The following ZNF761 variants were observed in gnomAD, a reference collection of about 807,000 sequenced individuals.
The protein encoded by ZNF761 is zinc finger protein 761.
ZNF761 carries 43 observed loss-of-function variants against 59.9 expected under a neutral mutation model. That is an observed-to-expected ratio of 0.72 (90% CI 0.56 to 0.92). ZNF761 has a LOEUF of 0.92. Ranked by LOEUF, ZNF761 falls within the 40% of genes least tolerant of loss-of-function variation. The pLI is 0.00. For synonymous variants in ZNF761, 294 were observed against 304.8 expected (o/e 0.96, Z 0.37); for missense variants, 850 against 906.1 (o/e 0.94, Z 0.79).
At chr19:53,446,536 TTAC>T (rs1444874086) in intron 2 of ZNF761, among the ~76,000 whole-genome samples, 199 bp downstream of exon 2, 1 of 152,006 alleles carries the variant, frequency 6.6e-6, no homozygotes, top group Non-Finnish European at 1.5e-5. Context: ...CCAAGCCCAG[TTAC>T]TTTTTGTATT....
At chr19:53,433,322 G>C (rs1052657508) in intron 1 of ZNF761, among the ~76,000 whole-genome samples, 5 of 151,890 alleles carry the variant, frequency 3.3e-5, no homozygotes, top group Non-Finnish European at 7.4e-5. Context: ...TCCTTCCATA[G>C]CTGGTGGCCT....
chr19:53,449,897 G>A (rs952756222), intron 4 of ZNF761: 16 of 740,972 alleles, frequency 2.2e-5, no homozygotes, highest in Non-Finnish European at 3.1e-5. Flanking sequence ...TTGCTGTGTT[G>A]TTGAAATTCA....
chr19:53,440,866 GCGTTTCACTA>G (rs932976246), intron 1 of ZNF761, among the ~76,000 whole-genome samples: 5 of 152,060 alleles, frequency 3.3e-5, no homozygotes, highest in African/African-American at 9.7e-5. Flanking sequence ...TGGTAGAAAC[GCGTTTCACTA>G]CGTTTCCCAG....
Position 53,457,525 on chromosome 19 carries a change from T to C in ZNF761, c.*777T>C, listed in dbSNP as rs117423546. 1.2e-3 allele frequency: 436 copies of C among 363,840 alleles called. 11 individuals are homozygous for C. The East Asian group carries it at 0.03, about 25-fold the overall frequency. 22.5% of individuals were successfully genotyped at this position (363,840 alleles called of 1,614,324 possible). ...ATGTGCCAAGGTCTTCAGTCTGAGT[T>C]CACTCCTTGCAGAATATGAGAAAAT... is the stretch of plus-strand genomic sequence containing the variant. On this transcript the variant is annotated 3_prime_UTR_variant, in exon 5 of 5. Coordinates refer to ENST00000684525, the MANE Select transcript of ZNF761 (RefSeq NM_001289951.2).
chr19:53,447,627 A>G (rs949514341), intron 3 of ZNF761, among the ~76,000 whole-genome samples: 22 of 152,224 alleles, frequency 1.4e-4, no homozygotes, highest in African/African-American at 5.1e-4. Context: ...GACCAGTATT[A>G]GAGCAGCTGC....
chr19:53,433,266 T>A (rs1178928414), intron 1 of ZNF761, among the ~76,000 whole-genome samples: 3 of 152,102 alleles, frequency 2.0e-5, no homozygotes, highest in Non-Finnish European at 4.4e-5. Context: ...AAGCAGTTAA[T>A]CATATAATGA....
chr19:53,456,736 A>G lies in ZNF761; in HGVS notation c.2229A>G (p.Glu743=). 2 of 1,613,648 alleles carry G rather than the reference A, an allele frequency of 1.2e-6. No homozygotes were observed. The highest frequency in any genetic ancestry group is 1.7e-6 in the Non-Finnish European group (2 of 1,179,726). ...GCCATCGTAGACTTCATACTGGAGA[A>G]AAACAAGTGTAATGAATGTGGTGAG... The part of the protein sequence containing the change: ...LTCHRRLHTG[E]KQV The change falls in exon 5 of 5, where the codon GAA becomes GAG. Residue 743 remains glutamate (E), a synonymous_variant. Transcript: ENST00000684525.
chr19:53,454,942 T>G lies in ZNF761; in HGVS notation c.435T>G (p.His145Gln). 1 of 1,614,204 alleles carries G rather than the reference T, an allele frequency of 6.2e-7. No individual in the cohort carries two copies. Among genetic ancestry groups the G allele is most frequent in the Non-Finnish European group, 8.5e-7 (1 of 1,180,036 alleles). ...AAGATCAGCTTGGATCAAGCTTTCA[T>G]TCGCATCTGCCTGAAATGCACATAT... ...PIKDQLGSSF[H>Q]SHLPEMHIFQ... is the part of the protein sequence containing the mutation. Residue 145 changes from histidine to glutamine, a missense_variant, in exon 5 of 5, where the codon CAT (histidine) becomes CAG (glutamine). His to Gln is a conservative substitution (Grantham distance 24). Transcript: ENST00000684525.
chr19:53,449,385 C>G (rs1329507836), intron 3 of ZNF761, 127 bp from the exon 4 acceptor site: 118 of 1,604,974 alleles, frequency 7.4e-5, no homozygotes, highest in Non-Finnish European at 9.6e-5. Flanking sequence ...GGTGAAAAAT[C>G]CCTTACTCAG....
chr19:53,456,897 G>T lies in ZNF761; in HGVS notation c.*149G>T. 1.1e-6 allele frequency: 1 copy of T among 933,966 alleles called. No homozygotes were observed. The allele number at this position is 933,966 out of a possible 1,614,324, so 57.9% of individuals were successfully genotyped here. ...AAGACAGGAGAATTCATACTGGAGA[G>T]AAAGCTTATAAATGTGAAGAATGTC... On this transcript the variant is annotated 3_prime_UTR_variant, in exon 5 of 5. Transcript: ENST00000684525.
rs1474536025 is a variant in ZNF761, at chr19:53,457,719, G to C, written c.*971G>C. 4 of 187,182 alleles carry C rather than the reference G, an allele frequency of 2.1e-5. No individual in the cohort carries two copies. Among genetic ancestry groups the C allele is most frequent in the Non-Finnish European group, 4.8e-5 (4 of 84,156 alleles). The allele number at this position is 187,182 out of a possible 1,614,324, so 11.6% of individuals were successfully genotyped here. A position where few individuals can be genotyped will look rare whatever the true frequency, so the allele number is the denominator to read the frequency against. On this transcript the variant is annotated 3_prime_UTR_variant, in exon 5 of 5. Transcript: ENST00000684525. Reference sequence around the variant, plus strand: ...TAAGAGGATTGGGCCAGGCACATCAGCTTACACCTGTAATCTGAGCGCTTT... The same window carrying C: ...TAAGAGGATTGGGCCAGGCACATCACCTTACACCTGTAATCTGAGCGCTTT...
chr19:53,456,319 TC>T lies in ZNF761; in HGVS notation c.1814del (p.Pro605LeufsTer41), dbSNP rs2086270433. On this transcript the variant is annotated frameshift_variant, in exon 5 of 5. Transcript: ENST00000684525. LOFTEE classifies it high-confidence loss of function. ...IHQKIHTEEN[P>X]YKCNECGKTF... ...ATCAGAAAATTCATACTGAAGAGAATCCTTACAAGTGTAATGAGTGTGGCAA... is the reference window on the plus strand; with the variant it reads ...ATCAGAAAATTCATACTGAAGAGAATCTTACAAGTGTAATGAGTGTGGCAA... 6.3e-7 allele frequency: 1 copy of T among 1,599,416 alleles called. No individual in the cohort carries two copies.
At chr19:53,451,205 C>T (rs545899117) in intron 4 of ZNF761, among the ~76,000 whole-genome samples, 7 of 152,142 alleles carry the variant, frequency 4.6e-5, no homozygotes, top group East Asian at 1.9e-4. Context: ...TTTGCCTGTT[C>T]ATTTATTTAT....
chr19:53,439,270 C>CAA (rs71185881), intron 1 of ZNF761, among the ~76,000 whole-genome samples: 80,208 of 132,342 alleles, frequency 0.61, 24,785 homozygotes, highest in South Asian at 0.75. Context: ...GACTCTGACT[C>CAA]AAAAAAAAAA....
intron 3 of ZNF761, 39 bp from the exon 4 acceptor site, chr19:53,449,473 C>T (rs1196154498): frequency 4.3e-6 from 7 of 1,614,108 alleles, no homozygotes; most frequent in Non-Finnish European, 5.9e-6. Context: ...ATAAGAACTC[C>T]TCTCATAACC....
At chr19:53,449,091 A>C (rs1382280505) in intron 3 of ZNF761, among the ~76,000 whole-genome samples, 1 of 152,120 alleles carries the variant, frequency 6.6e-6, no homozygotes, top group Non-Finnish European at 1.5e-5. Flanking sequence ...CAGCACTTTG[A>C]GAGGCTGAGT....
At chr19:53,434,604 TAAAC>T (rs1045925629) in intron 1 of ZNF761, among the ~76,000 whole-genome samples, 5 of 152,358 alleles carry the variant, frequency 3.3e-5, no homozygotes, top group South Asian at 2.1e-4. Flanking sequence ...ATTGCTGTCT[TAAAC>T]AAGTTAATTC....
At position 53,456,939 on chromosome 19, in the gene ZNF761, C is replaced by A; in HGVS notation, c.*191C>A. 2 of 740,436 alleles carry A rather than the reference C, an allele frequency of 2.7e-6. No homozygotes were observed. Among genetic ancestry groups the A allele is most frequent in the Non-Finnish European group, 4.6e-6 (2 of 438,672 alleles). The allele number at this position is 740,436 out of a possible 1,614,324, so 45.9% of individuals were successfully genotyped here. A position where few individuals can be genotyped will look rare whatever the true frequency, so the allele number is the denominator to read the frequency against. On this transcript the variant is annotated 3_prime_UTR_variant, in exon 5 of 5. Transcript: ENST00000684525. ...AAGAATGTCACAAAGTTTACAGTCGCACATCAAACCGTGAAAGACAGGAGA... is the reference window on the plus strand; with the variant it reads ...AAGAATGTCACAAAGTTTACAGTCGAACATCAAACCGTGAAAGACAGGAGA...
chr19:53,451,368 G>A (rs530297825), intron 4 of ZNF761, among the ~76,000 whole-genome samples: 2 of 151,588 alleles, frequency 1.3e-5, no homozygotes, highest in Non-Finnish European at 1.5e-5. Context: ...GTGCCACCAC[G>A]CCTGGCTAAT....
Sources: gnomAD v4.1 joint callset for allele counts (sites outside exome capture counted in the v4.1 genomes callset) on GRCh38, gnomAD v4.1.1 for gene constraint, MANE v1.5 for transcripts, NCBI Gene and HGNC (gene_info 2026-07-23, HGNC 2026-07-21) for gene names.